Variants in FAM117A observed in about 807,000 individuals in gnomAD.
FAM117A encodes the protein protein FAM117A.
Under a neutral mutation model 44.1 loss-of-function variants are expected in FAM117A, and 21 were observed. The observed-to-expected ratio is 0.48, with a 90% confidence interval of 0.34 to 0.69. FAM117A has a LOEUF of 0.69. Among genes scored for constraint, FAM117A ranks in the 30% least tolerant of loss-of-function variants. The pLI is 0.01. For missense variants in FAM117A, 498 were observed against 589.9 expected (o/e 0.84, Z 1.61); for synonymous variants, 220 against 238.3 (o/e 0.92, Z 0.71).
At chr17:49,722,011 A>G (rs1178816136) in intron 3 of FAM117A, among the ~76,000 whole-genome samples, 1 of 152,186 alleles carries the variant, frequency 6.6e-6, no homozygotes, top group Admixed American at 6.6e-5. Flanking sequence ...AGGCAGGAGA[A>G]TCGCTTGAAC....
intron 1 of FAM117A, chr17:49,788,461 G>C (rs913169023): frequency 1.6e-5 from 4 of 246,828 alleles, no homozygotes; most frequent in African/African-American, 8.9e-5. Context: ...CCCCAAACAA[G>C]AATGGCTACC....
intron 1 of FAM117A, among the ~76,000 whole-genome samples, chr17:49,761,696 C>T (rs1459444861): frequency 6.6e-6 from 1 of 152,162 alleles, no homozygotes; most frequent in East Asian, 1.9e-4. Flanking sequence ...TAGAAAAAAC[C>T]ACCTCTGGTG....
rs761863833 is a variant in FAM117A at position 49,732,704 on chromosome 17, C to A, written c.213G>T (p.Ser71=). The A allele has an allele frequency of 3.1e-6, 5 of 1,613,470 alleles. No individual in the cohort carries two copies. The East Asian group carries it at 1.1e-4, about 36-fold the overall frequency. The change falls in exon 2 of 8, where the codon TCG becomes TCT. Residue 71 remains serine, a synonymous_variant. Coordinates refer to ENST00000240364, the MANE Select transcript of FAM117A (RefSeq NM_030802.4). ...TACACACTGACTTTTCTGGGGCCAC[C>A]GAGCATGGGACGCTGGCTGCAAGAG... ...GGGRAASVPC[S]VAPEKSVCRP... is the part of the protein sequence containing the mutation.
intron 1 of FAM117A, among the ~76,000 whole-genome samples, chr17:49,783,684 T>G (rs1217858597): frequency 2.6e-5 from 4 of 152,098 alleles, no homozygotes; most frequent in African/African-American, 4.8e-5. Context: ...CAGCTGCAAA[T>G]GAAAATATTT....
intron 1 of FAM117A, among the ~76,000 whole-genome samples, chr17:49,783,088 GTCT>G (rs544370830): frequency 6.6e-6 from 1 of 152,220 alleles, no homozygotes; most frequent in Non-Finnish European, 1.5e-5. Flanking sequence ...CAATTCCCTG[GTCT>G]TCTTGGTAAG....
intron 2 of FAM117A, among the ~76,000 whole-genome samples, chr17:49,731,308 C>T (rs1468176404): frequency 1.3e-5 from 2 of 152,182 alleles, no homozygotes; most frequent in African/African-American, 4.8e-5. Context: ...CTGTTTCTGC[C>T]TATCTCGAAA....
chr17:49,778,368 C>G (rs114264895), intron 1 of FAM117A, among the ~76,000 whole-genome samples: 2,635 of 151,880 alleles, frequency 0.017, 96 homozygotes, highest in African/African-American at 0.061. Context: ...AATCCACAGT[C>G]TGTTTTTTAA....
At position 49,784,804 on chromosome 17, in the gene FAM117A, C is replaced by G. The variant is rs149922822; in HGVS notation, c.-621+3693G>C. On this transcript the variant is annotated intron_variant, in intron 1 of 7. Coordinates refer to the FAM117A transcript ENST00000513602. ...CTACAGTGTTTTGTAAGTGTGTGCT[C>G]ACTGGCTTGTCTTCCCTACTGGATT... Among the ~76,000 whole-genome samples the G allele has an allele frequency of 2.1e-4, 32 of 152,302 alleles. 1 individual carries two copies. The East Asian group carries it at 6.2e-3, about 29-fold the overall frequency.
At chr17:49,718,331 T>G (rs894295737) in intron 5 of FAM117A, among the ~76,000 whole-genome samples, 5 of 152,248 alleles carry the variant, frequency 3.3e-5, no homozygotes, top group African/African-American at 1.2e-4. Context: ...ATATTAATAT[T>G]GGCCAACTGG....
At chr17:49,741,548 AAGG>A in intron 1 of FAM117A, among the ~76,000 whole-genome samples, 1 of 152,230 alleles carries the variant, frequency 6.6e-6, no homozygotes, top group Middle Eastern at 3.4e-3. Context: ...ATCTTCACTT[AAGG>A]AGGAGAAGCA....
chr17:49,770,642 G>T (rs1019218697), intron 1 of FAM117A, among the ~76,000 whole-genome samples: 1 of 152,060 alleles, frequency 6.6e-6, no homozygotes, highest in Non-Finnish European at 1.5e-5. Context: ...GGTGGCTCAC[G>T]CCTGTAATCA....
At chr17:49,745,026 A>C (rs956284648) in intron 1 of FAM117A, among the ~76,000 whole-genome samples, 27 of 151,316 alleles carry the variant, frequency 1.8e-4, no homozygotes, top group East Asian at 5.8e-4. Context: ...AAAAAAAAAA[A>C]AAAAAAACAC....
chr17:49,719,664 C>A (rs533791847), intron 5 of FAM117A, 96 bp downstream of exon 5: 3 of 1,400,072 alleles, frequency 2.1e-6, no homozygotes, highest in South Asian at 3.0e-5. Flanking sequence ...GTAGCCATAG[C>A]CTGTGAGGCC....
intron 1 of FAM117A, among the ~76,000 whole-genome samples, chr17:49,752,188 C>G (rs1022637210): frequency 6.6e-6 from 1 of 152,080 alleles, no homozygotes; most frequent in Non-Finnish European, 1.5e-5. Flanking sequence ...GTCAATTATC[C>G]GTGATACATA....
intron 2 of FAM117A, among the ~76,000 whole-genome samples, chr17:49,727,732 T>C (rs886402744): frequency 3.3e-5 from 5 of 152,208 alleles, no homozygotes; most frequent in Non-Finnish European, 5.9e-5. Context: ...AACTGGAATC[T>C]CTCAGCCTCC....
chr17:49,780,375 T>G (rs145106499), intron 1 of FAM117A, among the ~76,000 whole-genome samples: 2 of 152,316 alleles, frequency 1.3e-5, no homozygotes, highest in East Asian at 3.9e-4. Flanking sequence ...ATGGTTCTTA[T>G]AGTGGGCAAG....
At chr17:49,747,450 G>A (rs1005649452) in intron 1 of FAM117A, among the ~76,000 whole-genome samples, 2 of 152,182 alleles carry the variant, frequency 1.3e-5, no homozygotes, top group African/African-American at 4.8e-5. Context: ...TGGGCTATGG[G>A]GAGGAAGTTG....
intron 1 of FAM117A, among the ~76,000 whole-genome samples, chr17:49,755,316 C>G (rs1001114364): frequency 3.3e-5 from 5 of 152,172 alleles, no homozygotes; most frequent in African/African-American, 1.2e-4. Context: ...AGATAATTCT[C>G]CTCCTTGGCC....
chr17:49,789,081 T>C (rs920665527), upstream of FAM117A: 14 of 401,254 alleles, frequency 3.5e-5, no homozygotes, highest in African/African-American at 2.9e-4. Context: ...GAGGCGTTCT[T>C]ATTAATTGGT....
Sources: allele counts gnomAD v4.1 joint callset (sites outside exome capture counted in the v4.1 genomes callset), GRCh38; gene constraint gnomAD v4.1.1; transcripts MANE v1.5; gene names NCBI Gene and HGNC (gene_info 2026-07-23, HGNC 2026-07-21).